The following TPP1 variants were observed in gnomAD, a reference collection of about 807,000 sequenced individuals.
The protein encoded by TPP1 is tripeptidyl peptidase 1, also known as tripeptidyl-peptidase 1.
Under a neutral mutation model 67.6 loss-of-function variants are expected in TPP1, and 43 were observed. That is an observed-to-expected ratio of 0.64 (90% CI 0.50 to 0.82). The LOEUF is 0.82. TPP1 is among the 40% of genes least tolerant of loss of function. TPP1 has a pLI of 0.00. For missense variants in TPP1, 671 were observed against 710.9 expected (o/e 0.94, Z 0.64); for synonymous variants, 272 against 281.5 (o/e 0.97, Z 0.34).
rs1012804457 is a variant in TPP1, at chr11:6,617,123, G to A, written c.539C>T (p.Ser180Leu). 6.2e-6 allele frequency: 10 copies of A among 1,614,136 alleles called. No individual in the cohort carries two copies. The highest frequency in any genetic ancestry group is 8.5e-6 in the Non-Finnish European group (10 of 1,179,996). The change falls in exon 6 of 13, where the codon TCA (serine) becomes TTA (leucine). Residue 180 changes from serine (S) to leucine (L), a missense_variant. By Grantham distance (145) the Ser-to-Leu change is moderately radical (BLOSUM62 -2). Coordinates refer to ENST00000299427, the MANE Select transcript of TPP1 (RefSeq NM_000391.4). ...CGGCTCAGGACGTTGCCTCAGGGAT[G>A]ATGTTGGGGGAAAACGGTGCAGTCC... Reference protein sequence around the residue: ...VGGLHRFPPTSSLRQRPEPQV... With the variant: ...VGGLHRFPPTLSLRQRPEPQV...
In TPP1 at chr11:6,616,671, G is replaced by A. The variant is rs1176117951; in HGVS notation, c.876C>T (p.Tyr292=). The change falls in exon 7 of 13, where the codon TAC becomes TAT. Residue 292 remains tyrosine, a synonymous_variant. Transcript: ENST00000299427. The stretch of plus-strand genomic sequence containing the variant: ...TCCTCTTGGTAGTACCAGGGCTACT[G>A]TAGACCCAGGTGGAGATGTTGGCAC... The part of the protein sequence containing the change: ...SAGANISTWV[Y]SSPGRHEGQE... 3 of 1,613,954 alleles carry A rather than the reference G, an allele frequency of 1.9e-6. No homozygotes were observed. The highest frequency in any genetic ancestry group is 1.7e-6 in the Non-Finnish European group (2 of 1,180,014).
At chr11:6,619,334 G>A in intron 1 of TPP1, 50 bp downstream of exon 1, 1 of 1,614,130 alleles carries the variant, frequency 6.2e-7, no homozygotes, top group Non-Finnish European at 8.5e-7. Context: ...CTCCCAATGT[G>A]TGCTCCCTCC....
chr11:6,619,232 T>A lies in TPP1; in HGVS notation c.53A>T (p.Lys18Ile), dbSNP rs751704816. ...GTCGGGCTCCGGGCTGTAACTGCAT[T>A]TGCCAGAGAGGATGAGGGCAAAGAG... ...LGLFALILSGKCSYSPEPDQR... is the reference protein window; with the variant it reads ...LGLFALILSGICSYSPEPDQR... The change falls in exon 2 of 13, where the codon AAA (lysine) becomes ATA (isoleucine). Residue 18 changes from lysine to isoleucine, a missense_variant. By Grantham distance (102) the Lys-to-Ile change is moderately radical. Transcript: ENST00000299427. 5 of 1,614,120 alleles carry A rather than the reference T, an allele frequency of 3.1e-6. No individual in the cohort carries two copies. The Admixed American group carries it at 6.7e-5, about 22-fold the overall frequency.
In TPP1 at chr11:6,615,477, C is replaced by T; in HGVS notation, c.1231G>A (p.Gly411Ser). Residue 411 changes from glycine (G) to serine (S), a missense_variant, in exon 10 of 13, where the codon GGC (glycine) becomes AGC (serine). Transcript: ENST00000299427. ...GGCCGTGGGAACACATTGCTGAAGC[C>T]ACCACCACTGATATAGTCAACAATT... ...NEIVDYISGG[G>S]FSNVFPRPSY... 4 of 1,614,186 alleles carry T rather than the reference C, an allele frequency of 2.5e-6. No individual in the cohort carries two copies. Among genetic ancestry groups the T allele is most frequent in the Non-Finnish European group, 3.4e-6 (4 of 1,180,038 alleles).
rs577583371 is a variant in TPP1 at position 6,618,006 on chromosome 11, A to G, written c.230-230T>C. The G allele has an allele frequency of 1.0e-4, 60 of 593,690 alleles. No homozygotes were observed. The East Asian group carries it at 1.8e-3, about 17-fold the overall frequency. The allele number at this position is 593,690 out of a possible 1,614,324, so 36.8% of individuals were successfully genotyped here. A position where few individuals can be genotyped will look rare whatever the true frequency, so the allele number is the denominator to read the frequency against. On this transcript the variant is annotated intron_variant, in intron 3 of 12. Transcript: ENST00000299427. ...TACCCTAAAGGCCAGTAAGTTGCAA[A>G]TGTCGCACCACAGCATGTATTGCCA...
At chr11:6,616,596 G>C (rs1199024054) in intron 7 of TPP1, 65 bp downstream of exon 7, 1 of 1,609,680 alleles carries the variant, frequency 6.2e-7, no homozygotes, top group Non-Finnish European at 8.5e-7. Context: ...GCATTCCCTT[G>C]AGGGAGCAGG....
chr11:6,616,925 G>A (rs752214072), intron 6 of TPP1, 50 bp downstream of exon 6: 1 of 1,614,098 alleles, frequency 6.2e-7, no homozygotes, highest in Non-Finnish European at 8.5e-7. Context: ...AAGGAATTGA[G>A]GACACTGTGG....
Position 6,615,193 on chromosome 11 carries a change from A to G in TPP1, c.1403T>C (p.Ile468Thr). 3 of 1,614,138 alleles carry G rather than the reference A, an allele frequency of 1.9e-6. No homozygotes were observed. Among genetic ancestry groups the G allele is most frequent in the South Asian group, 2.2e-5 (2 of 91,080 alleles). The change falls in exon 11 of 13, where the codon ATT (isoleucine) becomes ACT (threonine). Residue 468 changes from isoleucine to threonine, a missense_variant. By Grantham distance (89) the Ile-to-Thr change is moderately conservative. Transcript: ENST00000299427. ...GYWVVSNRVP[I>T]PWVSGTSAST... ...CACCGAGGTTCCGGACACCCATGGA[A>G]TGGGCACTCTGTTGCTGACCACCCA...
chr11:6,618,575 GTAGC>G (rs1855619637), intron 3 of TPP1, 197 bp downstream of exon 3: 1 of 685,698 alleles, frequency 1.5e-6, no homozygotes, highest in Admixed American at 2.5e-5. Flanking sequence ...TAGATGCCTG[GTAGC>G]TAGTAAGTAG....
At chr11:6,615,027 T>A (rs1309237843) in intron 11 of TPP1, 36 bp from the exon 12 acceptor site, 1 of 1,613,932 alleles carries the variant, frequency 6.2e-7, no homozygotes. Flanking sequence ...GGTCAGGGGT[T>A]CTGAGTGATT....
In TPP1 at chr11:6,619,195, C is replaced by T. The variant is rs1855631590; in HGVS notation, c.89+1G>A. 2.5e-6 allele frequency: 4 copies of T among 1,614,100 alleles called. No homozygotes were observed. The highest frequency in any genetic ancestry group is 3.4e-6 in the Non-Finnish European group (4 of 1,179,996). ...GGGCAGTCTGTGCTAAGTCAACTCA[C>T]GTCCTCCGCTGGTCGGGCTCCGGGC... is the stretch of plus-strand genomic sequence containing the variant. On this transcript the variant is annotated splice_donor_variant, in intron 2 of 12. Coordinates refer to ENST00000299427, the MANE Select transcript of TPP1 (RefSeq NM_000391.4). LOFTEE classifies it high-confidence loss of function.
rs750491249 is a variant in TPP1, at chr11:6,617,603, A to G, written c.380+23T>C. 5 of 1,613,944 alleles carry G rather than the reference A, an allele frequency of 3.1e-6. No homozygotes were observed. The African/African-American group carries it at 5.3e-5, about 17-fold the overall frequency. On this transcript the variant is annotated intron_variant, in intron 4 of 12. Transcript: ENST00000299427. ...ACTGATGGGATGACTGGTGCCCTCC[A>G]TGGAGCAATCATTTCCTCTCACCGG...
In TPP1 at chr11:6,619,216, C is replaced by G. The variant is rs141680923; in HGVS notation, c.69G>C (p.Pro23=). ...CTCACGTCCTCCGCTGGTCGGGCTCCGGGCTGTAACTGCATTTGCCAGAGA... is the reference window on the plus strand; with the variant it reads ...CTCACGTCCTCCGCTGGTCGGGCTCGGGGCTGTAACTGCATTTGCCAGAGA... ...LILSGKCSYS[P]EPDQRRTLPP... is the part of the protein sequence containing the mutation. Residue 23 remains proline (P), a synonymous_variant, in exon 2 of 13, where the codon CCG becomes CCC. Transcript: ENST00000299427. The G allele has an allele frequency of 2.5e-6, 4 of 1,614,160 alleles. No homozygotes were observed. Among genetic ancestry groups the G allele is most frequent in the Non-Finnish European group, 3.4e-6 (4 of 1,180,030 alleles).
chr11:6,617,531 C>G, intron 4 of TPP1, 95 bp downstream of exon 4: 1 of 1,612,792 alleles, frequency 6.2e-7, no homozygotes, highest in Non-Finnish European at 8.5e-7. Context: ...TGCATTAGCT[C>G]CCACCCACAA....
chr11:6,618,199 C>T, intron 3 of TPP1: 1 of 349,126 alleles, frequency 2.9e-6, no homozygotes, highest in South Asian at 2.4e-5. Context: ...TGTTTCCTGC[C>T]ATGCACACTA....
At position 6,616,876 on chromosome 11, in the gene TPP1, A is replaced by G. The variant is rs1855594061; in HGVS notation, c.688-17T>C. 2.5e-6 allele frequency: 4 copies of G among 1,614,042 alleles called. No homozygotes were observed. In the African/African-American group the frequency reaches 5.3e-5, roughly 22 times the overall value. On this transcript the variant is annotated splice_polypyrimidine_tract_variant and intron_variant, in intron 6 of 12. Transcript: ENST00000299427. ...CTCCAGGAACTATGGAGGGAGTCAG[A>G]GCAGAGATCGTGGGTCCGAGGGTGA...
chr11:6,616,132 CG>C, intron 8 of TPP1, 58 bp from the exon 9 acceptor site: 1 of 1,608,334 alleles, frequency 6.2e-7, no homozygotes, highest in South Asian at 1.1e-5. Context: ...TATGTGGGTT[CG>C]GATGTCAGAG....
rs775934269 is a variant in TPP1, at chr11:6,613,068, A to T, written c.*1478T>A. On this transcript the variant is annotated 3_prime_UTR_variant, in exon 13 of 13. Coordinates refer to ENST00000299427, the MANE Select transcript of TPP1 (RefSeq NM_000391.4). ...GTGATTATGAAAGGCAGGTATTGAT[A>T]TTCACACTTAACAGACGAGGAAACA... 8.5e-5 allele frequency: 13 copies of T among 152,422 alleles called. No homozygotes were observed. Among genetic ancestry groups the T allele is most frequent in the Non-Finnish European group, 1.5e-4 (10 of 68,050 alleles). 9.4% of individuals were successfully genotyped at this position (152,422 alleles called of 1,614,324 possible). A position where few individuals can be genotyped will look rare whatever the true frequency, so the allele number is the denominator to read the frequency against.
chr11:6,614,935 A>T lies in TPP1; in HGVS notation c.1482T>A (p.Leu494=). 4 of 1,614,156 alleles carry T rather than the reference A, an allele frequency of 2.5e-6. No individual in the cohort carries two copies. Among genetic ancestry groups the T allele is most frequent in the Non-Finnish European group, 3.4e-6 (4 of 1,180,034 alleles). The change falls in exon 12 of 13, where the codon CTT becomes CTA. Residue 494 remains leucine, a synonymous_variant. Transcript: ENST00000299427. ...GAAAGCCAAGAGGGGGGCGGCCACT[A>T]AGGATCCTGTGCTCATTGATCAAGG... ...ILSLINEHRI[L]SGRPPLGFLN...
Sources: allele counts gnomAD v4.1 joint callset, GRCh38; gene constraint gnomAD v4.1.1; transcripts MANE v1.5; gene names NCBI Gene and HGNC (gene_info 2026-07-23, HGNC 2026-07-21).